Variants in GPBP1L1 observed in about 807,000 individuals in gnomAD.
The protein encoded by GPBP1L1 is GC-rich promoter binding protein 1 like 1, also known as vasculin-like protein 1.
A neutral mutation model predicts 52.5 loss-of-function variants in GPBP1L1; 23 were observed. The observed-to-expected ratio is 0.44, with a 90% CI of 0.32 to 0.62. The LOEUF is 0.62. GPBP1L1 is among the 20% of genes least tolerant of loss of function. The probability of loss-of-function intolerance (pLI) is 0.06; values close to 1 mark genes in which losing one functional copy is unlikely to be tolerated. For synonymous variants in GPBP1L1, 243 were observed against 203.1 expected (o/e 1.20, Z -1.67); for missense variants, 596 against 579.3 (o/e 1.03, Z -0.30).
At chr1:45,686,143 C>G (rs907432386) in intron 1 of GPBP1L1, among the ~76,000 whole-genome samples, 1 of 152,242 alleles carries the variant, frequency 6.6e-6, no homozygotes, top group South Asian at 2.1e-4. Flanking sequence ...TCCGACCCGA[C>G]GACCGAAGTT....
chr1:45,675,729 A>G (rs1037125849), intron 2 of GPBP1L1, among the ~76,000 whole-genome samples: 9 of 152,106 alleles, frequency 5.9e-5, no homozygotes, highest in Admixed American at 2.0e-4. Flanking sequence ...TTGTAGAGAC[A>G]GGGTCTTGGC....
chr1:45,655,613 AT>A (rs1317919603), intron 4 of GPBP1L1: 1 of 230,870 alleles, frequency 4.3e-6, no homozygotes, highest in Non-Finnish European at 8.4e-6. Flanking sequence ...ATATTCATAA[AT>A]ATAAGCTCCA....
In GPBP1L1 at chr1:45,629,636, A is replaced by G. The variant is rs1349625646; in HGVS notation, c.1212T>C (p.Asp404=). 3 of 1,611,636 alleles carry G rather than the reference A, an allele frequency of 1.9e-6. No homozygotes were observed. The highest frequency in any genetic ancestry group is 2.7e-5 in the African/African-American group (2 of 74,862). ...CCTCTGTGAGGGGAAGGCAATTCTC[A>G]TCATTTTCAGGATATTCCTGCCAAC... ...AMGWQEYPEN[D]ENCLPLTEDE... Residue 404 remains aspartate (D), a synonymous_variant, in exon 12 of 13, where the codon GAT becomes GAC. Coordinates refer to ENST00000355105, the MANE Select transcript of GPBP1L1 (RefSeq NM_021639.5).
chr1:45,639,425 C>T (rs1644639386), intron 8 of GPBP1L1, among the ~76,000 whole-genome samples: 1 of 151,974 alleles, frequency 6.6e-6, no homozygotes, highest in Non-Finnish European at 1.5e-5. Context: ...GATGTTGTTG[C>T]TATTACAGAA....
intron 7 of GPBP1L1, among the ~76,000 whole-genome samples, 178 bp from the exon 8 acceptor site, chr1:45,640,581 C>CA (rs1008941361): frequency 2.6e-5 from 4 of 151,978 alleles, no homozygotes; most frequent in East Asian, 1.9e-4. Flanking sequence ...AGGAACTGTA[C>CA]AAAAAAATGC....
intron 12 of GPBP1L1, 49 bp from the exon 13 acceptor site, chr1:45,628,457 T>C (rs747827103): frequency 6.4e-7 from 1 of 1,571,452 alleles, no homozygotes. Flanking sequence ...TATCAATGAC[T>C]GTACTGACCC....
intron 2 of GPBP1L1, among the ~76,000 whole-genome samples, 153 bp downstream of exon 2, chr1:45,685,423 A>C (rs1227193522): frequency 6.6e-6 from 1 of 152,238 alleles, no homozygotes; most frequent in Non-Finnish European, 1.5e-5. Flanking sequence ...ATTTCAACAA[A>C]TATGACAAGC....
rs28541612 is a variant in GPBP1L1 at position 45,660,409 on chromosome 1, A to G, written c.-281T>C. ...CGTTTCCAAAAGGGGAAAGGGGAAA[A>G]GGGGAAGGGGGGAAGGGGAACATAA... is the stretch of plus-strand genomic sequence containing the variant. On this transcript the variant is annotated 5_prime_UTR_variant, in exon 3 of 13. Transcript: ENST00000355105. The G allele has an allele frequency of 2.3e-5, 22 of 969,246 alleles. No homozygotes were observed. In the South Asian group the frequency reaches 7.7e-4, roughly 34 times the overall value. 60.0% of individuals were successfully genotyped at this position (969,246 alleles called of 1,614,324 possible).
rs1357494302 is a variant in GPBP1L1 at position 45,629,607 on chromosome 1, T to A, written c.1241A>T (p.Glu414Val). Reference protein sequence around the residue: ...DENCLPLTEDELKEFHMKTEQ... With the variant: ...DENCLPLTEDVLKEFHMKTEQ... ...TGTCTTCATGTGGAACTCTTTGAGC[T>A]CATCCTCTGTGAGGGGAAGGCAATT... The change falls in exon 12 of 13, where the codon GAG becomes GTG. Residue 414 changes from glutamate (E) to valine (V), a missense_variant. Transcript: ENST00000355105. 16 of 1,612,840 alleles carry A rather than the reference T, an allele frequency of 9.9e-6. No homozygotes were observed. The highest frequency in any genetic ancestry group is 1.3e-5 in the Non-Finnish European group (15 of 1,178,780).
In GPBP1L1 at chr1:45,686,218, G is replaced by T. The variant is rs898403482; in HGVS notation, c.-1143+194C>A. ...GTGCAAAGCTCCATGCACGGGGGAGGCGGGGGTGCCGCATCCGAACCACTT... is the reference window on the plus strand; with the variant it reads ...GTGCAAAGCTCCATGCACGGGGGAGTCGGGGGTGCCGCATCCGAACCACTT... On this transcript the variant is annotated intron_variant, in intron 1 of 12. Transcript: ENST00000355105. 1.3e-5 allele frequency among the ~76,000 whole-genome samples: 2 copies of T among 152,232 alleles called. 1 individual carries two copies. The highest frequency in any genetic ancestry group is 4.1e-4 in the South Asian group (2 of 4,832).
intron 9 of GPBP1L1, 187 bp downstream of exon 9, chr1:45,633,907 CCA>C: frequency 1.4e-6 from 1 of 690,908 alleles, no homozygotes; most frequent in Non-Finnish European, 2.3e-6. Flanking sequence ...CCTTGGTCCA[CCA>C]CAGAGCATCT....
chr1:45,631,904 CAG>C (rs1644535759), intron 10 of GPBP1L1, among the ~76,000 whole-genome samples: 1 of 152,118 alleles, frequency 6.6e-6, no homozygotes, highest in African/African-American at 2.4e-5. Flanking sequence ...GCCTGGGCGA[CAG>C]AGTGAGACAC....
intron 3 of GPBP1L1, among the ~76,000 whole-genome samples, chr1:45,659,796 C>T (rs1569843117): frequency 6.6e-6 from 1 of 151,996 alleles, no homozygotes; most frequent in East Asian, 1.9e-4. Flanking sequence ...AATAAAGGAG[C>T]CAGGTGTGGT....
Position 45,642,423 on chromosome 1 carries a change from C to G in GPBP1L1, c.550+4G>C, listed in dbSNP as rs1644685926. 1 of 1,609,042 alleles carries G rather than the reference C, an allele frequency of 6.2e-7. No individual in the cohort carries two copies. The highest frequency in any genetic ancestry group is 8.5e-7 in the Non-Finnish European group (1 of 1,176,684). ...GTGCCTTTAAAATGGCAAAATCTAC[C>G]TACCCCATACTCCAGAAGGTGTCCC... On this transcript the variant is annotated splice_donor_region_variant and intron_variant, in intron 7 of 12. Coordinates refer to ENST00000355105, the MANE Select transcript of GPBP1L1 (RefSeq NM_021639.5).
intron 6 of GPBP1L1, among the ~76,000 whole-genome samples, chr1:45,653,702 CTTT>C (rs143229482): frequency 1.4e-5 from 2 of 143,076 alleles, no homozygotes; most frequent in Non-Finnish European, 1.5e-5. Context: ...TCTTTTTTTT[CTTT>C]TTTTTTTTTT....
At chr1:45,684,292 A>G (rs1351037155) in intron 2 of GPBP1L1, among the ~76,000 whole-genome samples, 2 of 151,704 alleles carry the variant, frequency 1.3e-5, no homozygotes, top group Admixed American at 1.3e-4. Context: ...AAGAAAAGAA[A>G]AGAAGGAAAA....
intron 2 of GPBP1L1, 26 bp from the exon 3 acceptor site, chr1:45,661,251 A>C (rs944932384): frequency 2.0e-5 from 3 of 152,192 alleles, no homozygotes; most frequent in Non-Finnish European, 2.9e-5. Flanking sequence ...CAAAACATAA[A>C]ATCACAGAAG....
chr1:45,650,989 C>A, intron 6 of GPBP1L1: 1 of 339,826 alleles, frequency 2.9e-6, no homozygotes, highest in Non-Finnish European at 6.0e-6. Flanking sequence ...GGAAAATTTG[C>A]ATTACCTTTT....
intron 5 of GPBP1L1, 90 bp downstream of exon 5, chr1:45,655,100 C>T (rs1644868809): frequency 6.7e-7 from 1 of 1,488,414 alleles, no homozygotes; most frequent in Non-Finnish European, 9.3e-7. Context: ...AGAAAAGATC[C>T]TATTTCAAGA....
Sources: gnomAD v4.1 joint callset for allele counts (sites outside exome capture counted in the v4.1 genomes callset) on GRCh38, gnomAD v4.1.1 for gene constraint, MANE v1.5 for transcripts, NCBI Gene and HGNC (gene_info 2026-07-23, HGNC 2026-07-21) for gene names.